FDX1: variants seen among roughly 807,000 people sequenced by gnomAD.
FDX1 encodes the protein ferredoxin 1, also known as adrenodoxin, mitochondrial.
FDX1 carries 9 observed loss-of-function variants against 14.9 expected under a neutral mutation model. The observed-to-expected ratio is 0.60, with a 90% CI of 0.36 to 1.05. The LOEUF (loss-of-function observed/expected upper bound fraction) is 1.05. FDX1 is among the 50% of genes least tolerant of loss of function. FDX1 has a pLI of 0.01. For synonymous variants in FDX1, 92 were observed against 99.4 expected (o/e 0.93, Z 0.44); for missense variants, 204 against 237.2 (o/e 0.86, Z 0.92).
At chr11:110,441,230 A>C (rs555389249) in intron 2 of FDX1, among the ~76,000 whole-genome samples, 1 of 152,356 alleles carries the variant, frequency 6.6e-6, no homozygotes, top group Admixed American at 6.5e-5. Context: ...CAGCAGTGTG[A>C]AAATGGACTA....
intron 1 of FDX1, among the ~76,000 whole-genome samples, chr11:110,433,173 G>A (rs892789244): frequency 2.6e-5 from 4 of 152,226 alleles, no homozygotes; most frequent in Admixed American, 2.0e-4. Flanking sequence ...GTGTATAAAT[G>A]ATGGAATTCT....
intron 2 of FDX1, among the ~76,000 whole-genome samples, chr11:110,450,438 T>A (rs1946479002): frequency 6.6e-6 from 1 of 152,102 alleles, no homozygotes; most frequent in African/African-American, 2.4e-5. Flanking sequence ...GAGGTGGAGC[T>A]CAGACGGTAA....
intron 2 of FDX1, among the ~76,000 whole-genome samples, chr11:110,447,273 C>CAAAAAAAAAAA (rs541827807): frequency 5.3e-5 from 4 of 75,746 alleles, no homozygotes; most frequent in Non-Finnish European, 8.2e-5. Flanking sequence ...ACTAAAAATA[C>CAAAAAAAAAAA]AAAAAAAAAA....
intron 2 of FDX1, among the ~76,000 whole-genome samples, chr11:110,444,999 G>A (rs1447244718): frequency 6.6e-6 from 1 of 151,638 alleles, no homozygotes; most frequent in Non-Finnish European, 1.5e-5. Context: ...ATGAATTTTA[G>A]AATAGTTTTT....
intron 2 of FDX1, among the ~76,000 whole-genome samples, chr11:110,452,975 T>G (rs976717925): frequency 6.6e-6 from 1 of 152,166 alleles, no homozygotes; most frequent in African/African-American, 2.4e-5. Context: ...ATTAAAAGTT[T>G]TAGGCTGAGG....
intron 3 of FDX1, among the ~76,000 whole-genome samples, chr11:110,461,055 T>TAC (rs1241396285): frequency 5.1e-4 from 78 of 152,352 alleles, no homozygotes; most frequent in Non-Finnish European, 8.5e-4. Context: ...ATTGTAAGAT[T>TAC]AACATTTCTT....
chr11:110,434,244 A>G (rs1247662654), intron 1 of FDX1, among the ~76,000 whole-genome samples: 2 of 152,208 alleles, frequency 1.3e-5, no homozygotes, highest in Non-Finnish European at 1.5e-5. Context: ...ATGTGGACTG[A>G]AATGAGATGT....
chr11:110,444,721 T>TGTATATATATATAC (rs1946435653), intron 2 of FDX1, among the ~76,000 whole-genome samples: 1 of 53,052 alleles, frequency 1.9e-5, no homozygotes, highest in African/African-American at 8.9e-5. Flanking sequence ...TATATATATA[T>TGTATATATATATAC]ACGTATATAT....
At chr11:110,444,719 TATACGTATATATATATATATATATACAC>T (rs1946435546) in intron 2 of FDX1, among the ~76,000 whole-genome samples, 3 of 65,718 alleles carry the variant, frequency 4.6e-5, no homozygotes, top group African/African-American at 2.1e-4. Flanking sequence ...TATATATATA[TATACGTATATATATATATATATATACAC>T]GTATATATAT....
chr11:110,430,175 G>A lies in FDX1; in HGVS notation c.55G>A (p.Gly19Ser). 1.6e-6 allele frequency: 2 copies of A among 1,232,704 alleles called. No individual in the cohort carries two copies. The highest frequency in any genetic ancestry group is 2.0e-6 in the Non-Finnish European group (2 of 990,326). 76.4% of individuals were successfully genotyped at this position (1,232,704 alleles called of 1,614,324 possible). The change falls in exon 1 of 4, where the codon GGC (glycine) becomes AGC (serine). Residue 19 changes from glycine (G) to serine (S), a missense_variant. Transcript: ENST00000260270. The part of the protein sequence containing the change: ...LLRAASAVLG[G>S]PAGRWLHHAG... ...GCGCGCCGCTTCTGCTGTCCTCGGCGGCCCGGCCGGCCGGTGGCTGCACCA... is the reference window on the plus strand; with the variant it reads ...GCGCGCCGCTTCTGCTGTCCTCGGCAGCCCGGCCGGCCGGTGGCTGCACCA...
intron 1 of FDX1, among the ~76,000 whole-genome samples, chr11:110,434,334 ATTT>A (rs1555068018): frequency 1.6e-5 from 2 of 126,396 alleles, no homozygotes; most frequent in Admixed American, 8.5e-5. Context: ...CGCCCTATTG[ATTT>A]TTTTTTTTTT....
At chr11:110,439,022 C>G (rs1278384741) in intron 2 of FDX1, among the ~76,000 whole-genome samples, 1 of 152,132 alleles carries the variant, frequency 6.6e-6, no homozygotes, top group Non-Finnish European at 1.5e-5. Context: ...TCTCCTGCCT[C>G]AGCCTCTTGA....
At chr11:110,441,605 G>A (rs551556607) in intron 2 of FDX1, among the ~76,000 whole-genome samples, 1 of 152,344 alleles carries the variant, frequency 6.6e-6, no homozygotes, top group East Asian at 1.9e-4. Context: ...GTATCTGGCA[G>A]AAGAAATTTC....
At chr11:110,434,903 C>T (rs1264283142) in intron 1 of FDX1, among the ~76,000 whole-genome samples, 1 of 151,670 alleles carries the variant, frequency 6.6e-6, no homozygotes, top group Non-Finnish European at 1.5e-5. Context: ...TTTTCATACA[C>T]CTACAACCAT....
rs1565387157 is a variant in FDX1 at position 110,464,745 on chromosome 11, A to G, written c.*2277A>G. 1 of 152,180 alleles carries G rather than the reference A, an allele frequency of 6.6e-6. No individual in the cohort carries two copies. Among genetic ancestry groups the G allele is most frequent in the Non-Finnish European group, 1.5e-5 (1 of 68,026 alleles). 9.4% of individuals were successfully genotyped at this position (152,180 alleles called of 1,614,324 possible). On this transcript the variant is annotated 3_prime_UTR_variant, in exon 4 of 4. Transcript: ENST00000260270. Reference sequence around the variant, plus strand: ...AAACTCTCCTTCCAGAGCTACTTTAATGATTATATTCAACCAAAGCACTCT... The same window carrying G: ...AAACTCTCCTTCCAGAGCTACTTTAGTGATTATATTCAACCAAAGCACTCT...
At chr11:110,431,701 A>G (rs1222250961) in intron 1 of FDX1, among the ~76,000 whole-genome samples, 2 of 152,230 alleles carry the variant, frequency 1.3e-5, no homozygotes, top group African/African-American at 4.8e-5. Context: ...ATAAGGGAAC[A>G]TGAATGTTTT....
chr11:110,451,928 G>C (rs565206397), intron 2 of FDX1, among the ~76,000 whole-genome samples: 2 of 152,286 alleles, frequency 1.3e-5, no homozygotes, highest in African/African-American at 4.8e-5. Flanking sequence ...CCACCTCTTG[G>C]CAATGGCCAA....
intron 2 of FDX1, 116 bp from the exon 3 acceptor site, chr11:110,456,801 GC>G: frequency 9.0e-7 from 1 of 1,106,778 alleles, no homozygotes. Context: ...GAGCCACTGT[GC>G]CCGGCCTCAC....
chr11:110,440,295 ATTTC>A (rs1025305864), intron 2 of FDX1, among the ~76,000 whole-genome samples: 3 of 151,114 alleles, frequency 2.0e-5, no homozygotes, highest in Non-Finnish European at 3.0e-5. Flanking sequence ...TGAGTTTGTT[ATTTC>A]TTCTGCTAGC....
Sources: gnomAD v4.1 joint callset for allele counts (sites outside exome capture counted in the v4.1 genomes callset) on GRCh38, gnomAD v4.1.1 for gene constraint, MANE v1.5 for transcripts, NCBI Gene and HGNC (gene_info 2026-07-23, HGNC 2026-07-21) for gene names.